Variants in C2CD3 observed in about 807,000 individuals in gnomAD.
C2CD3 encodes C2 domain-containing protein 3.
A neutral mutation model predicts 234.0 loss-of-function variants in C2CD3; 148 were observed. That is an observed-to-expected ratio of 0.63 (90% confidence interval 0.55 to 0.72). The LOEUF (loss-of-function observed/expected upper bound fraction) is 0.72. C2CD3 is among the 30% of genes least tolerant of loss of function. The probability of loss-of-function intolerance (pLI) is 0.00; values close to 1 mark genes in which losing one functional copy is unlikely to be tolerated. For missense variants in C2CD3, 2,577 were observed against 2,811.5 expected, an observed-to-expected ratio of 0.92 and a Z score of 1.89; for synonymous variants, 1,000 against 1,035.4, an observed-to-expected ratio of 0.97 and a Z score of 0.66.
intron 1 of C2CD3, among the ~76,000 whole-genome samples, chr11:74,169,125 A>G (rs1856989264): frequency 6.6e-6 from 1 of 152,234 alleles, no homozygotes; most frequent in Non-Finnish European, 1.5e-5. Context: ...TTTAGACTAT[A>G]TCATACAACT....
At chr11:74,101,471 T>C (rs1450025999) in intron 14 of C2CD3, among the ~76,000 whole-genome samples, 7 of 152,190 alleles carry the variant, frequency 4.6e-5, no homozygotes, top group South Asian at 2.1e-4. Flanking sequence ...CAGAGCTACT[T>C]TTGTATCCAC....
chr11:74,159,595 A>C (rs1856302635), intron 3 of C2CD3, among the ~76,000 whole-genome samples: 1 of 152,196 alleles, frequency 6.6e-6, no homozygotes, highest in Non-Finnish European at 1.5e-5. Context: ...GGGATATAAA[A>C]AATTTTTGCA....
rs564190312 is a variant in C2CD3, at chr11:74,047,065, G to C, written c.5495+1140C>G. Among the ~76,000 whole-genome samples the C allele has an allele frequency of 7.2e-5, 11 of 152,262 alleles. No individual in the cohort carries two copies. In the South Asian group the frequency reaches 2.3e-3, roughly 32 times the overall value. ...AAAGCTCAGAAAACTAAAGTAATTA[G>C]CCTCAGGTCACATGTAACTAGTAAG... On this transcript the variant is annotated intron_variant, in intron 28 of 32. Transcript: ENST00000334126.
At chr11:74,049,277 G>T in intron 27 of C2CD3, 60 bp downstream of exon 27, 2 of 1,391,078 alleles carry the variant, frequency 1.4e-6, no homozygotes, top group Non-Finnish European at 2.0e-6. Context: ...CATGAGTAAA[G>T]GATGTTCTTA....
intron 26 of C2CD3, among the ~76,000 whole-genome samples, chr11:74,051,753 A>G (rs1953702119): frequency 6.6e-6 from 1 of 152,194 alleles, no homozygotes; most frequent in South Asian, 2.1e-4. Context: ...GTATTTGTCT[A>G]ATCATACTAT....
At chr11:74,024,734 T>G (rs1591273382) in intron 32 of C2CD3, among the ~76,000 whole-genome samples, 1 of 152,208 alleles carries the variant, frequency 6.6e-6, no homozygotes, top group Non-Finnish European at 1.5e-5. Flanking sequence ...AATACATACA[T>G]GATCTTATTT....
chr11:74,062,284 G>T (rs995957885), intron 24 of C2CD3, among the ~76,000 whole-genome samples: 30 of 152,206 alleles, frequency 2.0e-4, no homozygotes, highest in African/African-American at 7.2e-4. Context: ...CTAATAGACA[G>T]CTACAGAACT....
At chr11:74,165,590 GT>G (rs530811894) in intron 2 of C2CD3, among the ~76,000 whole-genome samples, 1,688 of 152,218 alleles carry the variant, frequency 0.011, 17 homozygotes, top group Non-Finnish European at 0.016. Context: ...CTTTTTCCAA[GT>G]TTTTGGTTAG....
Position 74,116,950 on chromosome 11 carries a change from A to G in C2CD3, c.1520+1278T>C, listed in dbSNP as rs552969393. Among the ~76,000 whole-genome samples the G allele has an allele frequency of 5.8e-3, 510 of 88,642 alleles. 23 individuals carry two copies. The highest frequency in any genetic ancestry group is 0.018 in the Middle Eastern group (3 of 164). 58.2% of individuals were successfully genotyped at this position (88,642 alleles called of 152,430 possible). The stretch of plus-strand genomic sequence containing the variant: ...CACGTGTATATACACATATACACGT[A>G]TATATGTGTATATACACATATACAC... On this transcript the variant is annotated intron_variant, in intron 9 of 32. Transcript: ENST00000334126.
Position 74,049,420 on chromosome 11 carries a change from C to G in C2CD3, c.5278G>C (p.Val1760Leu). ...AAACTCTCCAAAGGGGAGACAGCAA[C>G]TTTTATCTGCCCCTGGCACTCTCCA... Reference protein sequence around the residue: ...FSGECQGQIKVAVSPLESLIH... With the variant: ...FSGECQGQIKLAVSPLESLIH... The change falls in exon 27 of 33, where the codon GTT becomes CTT. Residue 1760 changes from valine (V) to leucine (L), a missense_variant. Coordinates refer to ENST00000334126, the MANE Select transcript of C2CD3 (RefSeq NM_001286577.2). The G allele has an allele frequency of 6.2e-7, 1 of 1,614,082 alleles. No homozygotes were observed. The highest frequency in any genetic ancestry group is 1.1e-5 in the South Asian group (1 of 91,074).
chr11:74,168,644 A>C, intron 1 of C2CD3, 31 bp from the exon 2 acceptor site: 1 of 1,580,292 alleles, frequency 6.3e-7, no homozygotes, highest in Non-Finnish European at 8.6e-7. Flanking sequence ...ACTGAGTCAA[A>C]ATTTAGACTA....
intron 7 of C2CD3, among the ~76,000 whole-genome samples, chr11:74,125,017 T>A (rs7120554): frequency 0.047 from 7,145 of 152,280 alleles, 262 homozygotes; most frequent in African/African-American, 0.098. Context: ...TTAGACATAA[T>A]TTTAAATAAA....
At chr11:74,122,941 A>C in intron 8 of C2CD3, 47 bp downstream of exon 8, 1 of 1,345,532 alleles carries the variant, frequency 7.4e-7, no homozygotes, top group Non-Finnish European at 1.0e-6. Flanking sequence ...TAATATTATT[A>C]ATACATTTGT....
chr11:74,135,433 T>G (rs1957829763), intron 5 of C2CD3, among the ~76,000 whole-genome samples: 1 of 152,158 alleles, frequency 6.6e-6, no homozygotes, highest in Admixed American at 6.5e-5. Flanking sequence ...TTGCCCGGAC[T>G]TGCAGATGTA....
chr11:74,079,210 AACACAT>A (rs2135466785), intron 22 of C2CD3, among the ~76,000 whole-genome samples: 1 of 152,276 alleles, frequency 6.6e-6, no homozygotes, highest in South Asian at 2.1e-4. Context: ...GCACTTAGAG[AACACAT>A]ACCAAGGACC....
intron 28 of C2CD3, among the ~76,000 whole-genome samples, chr11:74,043,500 A>G (rs1273203647): frequency 6.7e-6 from 1 of 149,266 alleles, no homozygotes; most frequent in Admixed American, 6.5e-5. Context: ...GCATAAAACT[A>G]GAAGCAGAAT....
At chr11:74,138,585 G>C in intron 5 of C2CD3, 135 bp downstream of exon 5, 2 of 687,054 alleles carry the variant, frequency 2.9e-6, no homozygotes, top group South Asian at 3.6e-5. Flanking sequence ...TGAGATGCTG[G>C]ACTCTAGCAA....
chr11:74,099,612 T>A (rs1440569040), intron 15 of C2CD3, among the ~76,000 whole-genome samples: 2 of 152,016 alleles, frequency 1.3e-5, no homozygotes, highest in African/African-American at 4.8e-5. Flanking sequence ...AAGGAACAGT[T>A]TAGGCTGGGC....
Position 74,078,159 on chromosome 11 carries a change from A to G in C2CD3, c.4559T>C (p.Leu1520Pro). Residue 1520 changes from leucine (L) to proline (P), a missense_variant, in exon 23 of 33, where the codon CTG (leucine) becomes CCG (proline). Leu to Pro is a moderately conservative substitution (Grantham distance 98). Transcript: ENST00000334126. ...CGCTGACCTCTCCCCAAGTCTGGCC[A>G]GGTCCACATAGGCTGAGCCAATCCA... is the stretch of plus-strand genomic sequence containing the variant. Reference protein sequence around the residue: ...DSWIGSAYVDLARLGERSART... With the variant: ...DSWIGSAYVDPARLGERSART... The G allele has an allele frequency of 1.2e-6, 2 of 1,614,000 alleles. No homozygotes were observed. Among genetic ancestry groups the G allele is most frequent in the East Asian group, 2.2e-5 (1 of 44,842 alleles).
Sources: gnomAD v4.1 joint callset for allele counts (sites outside exome capture counted in the v4.1 genomes callset) on GRCh38, gnomAD v4.1.1 for gene constraint, MANE v1.5 for transcripts, NCBI Gene and HGNC (gene_info 2026-07-23, HGNC 2026-07-21) for gene names.